The following OTOGL variants were observed in gnomAD, a reference collection of about 807,000 sequenced individuals.
OTOGL encodes otogelin like.
OTOGL carries 285 observed loss-of-function variants against 318.5 expected under a neutral mutation model. The observed-to-expected ratio is 0.89, with a 90% confidence interval of 0.81 to 0.99. OTOGL has a LOEUF of 0.99. OTOGL is among the 50% of genes least tolerant of loss of function. OTOGL has a pLI of 0.00. For missense variants in OTOGL, 2,899 were observed against 2,845.6 expected (o/e 1.02, Z -0.43); for synonymous variants, 987 against 936.5 (o/e 1.05, Z -0.99).
At chr12:80,348,744 C>A (rs1353132032) in intron 44 of OTOGL, among the ~76,000 whole-genome samples, 2 of 152,174 alleles carry the variant, frequency 1.3e-5, no homozygotes, top group Admixed American at 1.3e-4. Context: ...TTCTTGTTTG[C>A]TAAGCTCCAA....
At chr12:80,137,805 T>C (rs773416376) in intron 1 of OTOGL, among the ~76,000 whole-genome samples, 51 of 152,138 alleles carry the variant, frequency 3.4e-4, no homozygotes, top group Non-Finnish European at 5.4e-4. Flanking sequence ...TCTTTTAGGA[T>C]GCAGCTGTGA....
At chr12:80,130,784 C>T (rs907898788) in intron 1 of OTOGL, among the ~76,000 whole-genome samples, 12 of 152,210 alleles carry the variant, frequency 7.9e-5, no homozygotes, top group South Asian at 2.1e-4. Context: ...GTTTTCATCA[C>T]ATGAATCTAA....
chr12:80,336,251 T>C lies in OTOGL; in HGVS notation c.4600+111T>C, dbSNP rs959153395. 16 of 1,358,772 alleles carry C rather than the reference T, an allele frequency of 1.2e-5. No homozygotes were observed. The South Asian group carries it at 1.5e-4, about 13-fold the overall frequency. 84.2% of individuals were successfully genotyped at this position (1,358,772 alleles called of 1,614,324 possible). A position where few individuals can be genotyped will look rare whatever the true frequency, so the allele number is the denominator to read the frequency against. ...CAAGCCAAAGTTACTGTTTTTGAGT[T>C]TTCATGATTTGATTTATGATTTTGG... On this transcript the variant is annotated intron_variant, in intron 39 of 58. Coordinates refer to ENST00000547103, the MANE Select transcript of OTOGL (RefSeq NM_001378609.3).
chr12:80,148,522 A>G (rs1358085912), intron 1 of OTOGL, among the ~76,000 whole-genome samples: 1 of 149,764 alleles, frequency 6.7e-6, no homozygotes, highest in Non-Finnish European at 1.5e-5. Flanking sequence ...GAATCTGACA[A>G]TTATGTGTCT....
At chr12:80,224,283 G>A (rs11114356) in intron 7 of OTOGL, among the ~76,000 whole-genome samples, 49,773 of 151,948 alleles carry the variant, frequency 0.33, 9,657 homozygotes, top group South Asian at 0.47. Context: ...CTATATGACT[G>A]TTTTAATACC....
At chr12:80,295,446 G>A (rs1260611591) in intron 26 of OTOGL, among the ~76,000 whole-genome samples, 1 of 152,054 alleles carries the variant, frequency 6.6e-6, no homozygotes, top group South Asian at 2.1e-4. Flanking sequence ...CAAAGTGCTG[G>A]GATTACAGGC....
intron 6 of OTOGL, among the ~76,000 whole-genome samples, chr12:80,220,516 A>C (rs1265470957): frequency 6.8e-6 from 1 of 146,792 alleles, no homozygotes; most frequent in Non-Finnish European, 1.5e-5. Context: ...TATAAAACAG[A>C]TTTATTATTT....
Position 80,379,874 on chromosome 12 carries a change from A to T in OTOGL, c.*1826A>T, listed in dbSNP as rs569006967. On this transcript the variant is annotated 3_prime_UTR_variant, in exon 59 of 59. Transcript: ENST00000547103. ...TATAAACTCTTGGGACACAGGCAAA[A>T]CTAAACAGACACAGTCCTAACTCCC... 1 of 151,992 alleles carries T rather than the reference A, an allele frequency of 6.6e-6. No individual in the cohort carries two copies. Among genetic ancestry groups the T allele is most frequent in the African/African-American group, 2.4e-5 (1 of 41,418 alleles). 9.4% of individuals were successfully genotyped at this position (151,992 alleles called of 1,614,324 possible).
chr12:80,216,965 AAAAG>A (rs1178442171), intron 4 of OTOGL, among the ~76,000 whole-genome samples: 3 of 152,178 alleles, frequency 2.0e-5, no homozygotes, highest in Non-Finnish European at 4.4e-5. Context: ...AAAGAAAAGA[AAAAG>A]AAAGAAAGAA....
intron 49 of OTOGL, among the ~76,000 whole-genome samples, chr12:80,357,791 G>A (rs1592752327): frequency 6.6e-6 from 1 of 152,100 alleles, no homozygotes; most frequent in East Asian, 1.9e-4. Flanking sequence ...TTTAAAGATA[G>A]TCACTCAAAA....
intron 8 of OTOGL, among the ~76,000 whole-genome samples, 155 bp downstream of exon 8, chr12:80,229,533 G>T (rs772109215): frequency 1.3e-5 from 2 of 152,238 alleles, no homozygotes; most frequent in Middle Eastern, 3.4e-3. Flanking sequence ...AACTTCGGTA[G>T]GCTCTGAGGC....
At chr12:80,244,228 GT>G (rs1226306770) in intron 11 of OTOGL, among the ~76,000 whole-genome samples, 2 of 148,596 alleles carry the variant, frequency 1.3e-5, no homozygotes, top group African/African-American at 5.0e-5. Context: ...GTGCAGGTTA[GT>G]TACATATGTA....
rs942696094 is a variant in OTOGL, at chr12:80,099,604, T to C, written c.-21T>C. The C allele has an allele frequency of 1.3e-5, 2 of 152,268 alleles. No homozygotes were observed. The highest frequency in any genetic ancestry group is 1.3e-4 in the Admixed American group (2 of 15,284). The allele number at this position is 152,268 out of a possible 1,614,324, so 9.4% of individuals were successfully genotyped here. A position where few individuals can be genotyped will look rare whatever the true frequency, so the allele number is the denominator to read the frequency against. ...AATAAAGCCATAGCCAGTGCTTCCC[T>C]GGTAAGTTTTGGGGGATGGAAGTGG... On this transcript the variant is annotated splice_region_variant and 5_prime_UTR_variant, in exon 1 of 59. Transcript: ENST00000547103.
chr12:80,318,591 G>A lies in OTOGL; in HGVS notation c.3680G>A (p.Gly1227Asp). Residue 1227 changes from glycine (G) to aspartate (D), a missense_variant, in exon 33 of 59, where the codon GGC becomes GAC. Gly to Asp is a moderately conservative substitution (Grantham distance 94). This residue lies in a region of OTOGL where 2,607 missense variants were observed against 2,524.9 expected (regional missense o/e 1.03). Transcript: ENST00000547103. ...ATGCTGGCAAGCTATGGGCAGAGTGGCCTTGTTCTGGGGGCCAATATGACC... is the reference window on the plus strand; with the variant it reads ...ATGCTGGCAAGCTATGGGCAGAGTGACCTTGTTCTGGGGGCCAATATGACC... ...PYMLASYGQS[G>D]LVLGANMTSR... 1 of 1,440,310 alleles carries A rather than the reference G, an allele frequency of 6.9e-7. No individual in the cohort carries two copies. 89.2% of individuals were successfully genotyped at this position (1,440,310 alleles called of 1,614,324 possible).
chr12:80,337,434 C>T (rs1888487534), intron 42 of OTOGL, among the ~76,000 whole-genome samples: 1 of 151,708 alleles, frequency 6.6e-6, no homozygotes, highest in Non-Finnish European at 1.5e-5. Context: ...GAAGTGTTGA[C>T]ATAATTAAGT....
At chr12:80,107,613 G>T (rs1265569001) in intron 1 of OTOGL, among the ~76,000 whole-genome samples, 1 of 152,052 alleles carries the variant, frequency 6.6e-6, no homozygotes, top group East Asian at 1.9e-4. Flanking sequence ...ACACCCGAAA[G>T]AATATGAATC....
intron 1 of OTOGL, among the ~76,000 whole-genome samples, chr12:80,146,486 C>G (rs1435902535): frequency 6.6e-6 from 1 of 151,758 alleles, no homozygotes; most frequent in Non-Finnish European, 1.5e-5. Context: ...ATTTTTGCAT[C>G]AATATTCATC....
rs1393286544 is a variant in OTOGL at position 80,210,771 on chromosome 12, T to C, written c.80-76T>C. 5.6e-6 allele frequency: 6 copies of C among 1,069,254 alleles called. No homozygotes were observed. In the African/African-American group the frequency reaches 8.3e-5, roughly 15 times the overall value. 66.2% of individuals were successfully genotyped at this position (1,069,254 alleles called of 1,614,324 possible). A position where few individuals can be genotyped will look rare whatever the true frequency, so the allele number is the denominator to read the frequency against. ...AATTTTAGAATTTAGGTTAAAATGT[T>C]CTTTTAAACAACTGGAACATGTAGC... On this transcript the variant is annotated intron_variant, in intron 2 of 58. Coordinates refer to ENST00000547103, the MANE Select transcript of OTOGL (RefSeq NM_001378609.3).
chr12:80,128,165 G>A (rs1299776510), intron 1 of OTOGL, among the ~76,000 whole-genome samples: 1 of 152,102 alleles, frequency 6.6e-6, no homozygotes, highest in Non-Finnish European at 1.5e-5. Context: ...CCCCATCTTT[G>A]TGGTTTTATC....
Sources: gnomAD v4.1 joint callset for allele counts (sites outside exome capture counted in the v4.1 genomes callset) on GRCh38, gnomAD v4.1.1 for gene constraint, gnomAD v4.1.1 regional missense constraint, MANE v1.5 for transcripts, NCBI Gene and HGNC (gene_info 2026-07-23, HGNC 2026-07-21) for gene names.